Variants in NME7 observed in about 807,000 individuals in gnomAD.
NME7 encodes the protein NME/NM23 family member 7, also known as nucleoside diphosphate kinase 7.
Under a neutral mutation model 49.1 loss-of-function variants are expected in NME7, and 41 were observed. That is an observed-to-expected ratio of 0.83 (90% CI 0.65 to 1.08). NME7 has a LOEUF of 1.08. Among genes scored for constraint, NME7 ranks in the 50% least tolerant of loss-of-function variants. The pLI is 0.00. For missense variants in NME7, 423 were observed against 463.4 expected, an observed-to-expected ratio of 0.91 and a Z score of 0.80; for synonymous variants, 139 against 150.6, an observed-to-expected ratio of 0.92 and a Z score of 0.56.
intron 1 of NME7, among the ~76,000 whole-genome samples, chr1:169,332,143 T>C (rs1477174770): frequency 6.6e-6 from 1 of 151,848 alleles, no homozygotes; most frequent in Non-Finnish European, 1.5e-5. Context: ...TGGAACAGAA[T>C]AGAGAACCCA....
chr1:169,154,298 C>A (rs1272720236), intron 11 of NME7, among the ~76,000 whole-genome samples: 1 of 151,686 alleles, frequency 6.6e-6, no homozygotes, highest in Non-Finnish European at 1.5e-5. Flanking sequence ...CAGGTGTGAG[C>A]CACTGTGCTG....
At position 169,367,759 on chromosome 1, in the gene NME7, A is replaced by ACAC. The variant is rs540871211; in HGVS notation, c.-52_-50dup. On this transcript the variant is annotated 5_prime_UTR_variant, in exon 1 of 12. Transcript: ENST00000367811. ...AAATAGGTATCGTTGAGACAGGAAG[A>ACAC]CACCACCACCACCACCATCATACGG... The ACAC allele has an allele frequency of 2.0e-5, 33 of 1,612,226 alleles. No individual in the cohort carries two copies. Among genetic ancestry groups the ACAC allele is most frequent in the East Asian group, 6.7e-5 (3 of 44,844 alleles).
chr1:169,336,804 T>C (rs1652495504), intron 1 of NME7, among the ~76,000 whole-genome samples: 1 of 144,314 alleles, frequency 6.9e-6, no homozygotes, highest in East Asian at 2.1e-4. Context: ...GAGCTAGACA[T>C]AAAGATTCTC....
chr1:169,203,963 C>G (rs1478351480), intron 10 of NME7, among the ~76,000 whole-genome samples: 1 of 152,016 alleles, frequency 6.6e-6, no homozygotes, highest in Non-Finnish European at 1.5e-5. Flanking sequence ...CTCAAGTGAT[C>G]TTCCTTCCTC....
chr1:169,311,575 G>A (rs1358687209), intron 3 of NME7, among the ~76,000 whole-genome samples: 1 of 152,006 alleles, frequency 6.6e-6, no homozygotes, highest in South Asian at 2.1e-4. Flanking sequence ...AAGCAGATGA[G>A]TCAGTTATAT....
intron 1 of NME7, 38 bp downstream of exon 1, chr1:169,367,670 A>G: frequency 1.2e-6 from 2 of 1,613,818 alleles, no homozygotes; most frequent in South Asian, 1.1e-5. Context: ...AGTAAGTAGG[A>G]CCCCAGAGCC....
At chr1:169,306,205 T>A (rs2101915778) in intron 4 of NME7, among the ~76,000 whole-genome samples, 1 of 152,318 alleles carries the variant, frequency 6.6e-6, no homozygotes, top group East Asian at 1.9e-4. Context: ...GAGTCTTGTA[T>A]ACTCTATCAA....
chr1:169,204,167 C>T (rs766567756), intron 10 of NME7, among the ~76,000 whole-genome samples: 19 of 151,690 alleles, frequency 1.3e-4, no homozygotes, highest in Non-Finnish European at 2.8e-4. Context: ...GGGAATTTAG[C>T]TTTTAAGGTT....
At chr1:169,235,014 CTG>C in intron 9 of NME7, 115 bp downstream of exon 9, 1 of 489,320 alleles carries the variant, frequency 2.0e-6, no homozygotes. Flanking sequence ...ATGAATGACT[CTG>C]TATTGATTTT....
chr1:169,251,802 T>A (rs900649965), intron 7 of NME7, among the ~76,000 whole-genome samples: 2 of 149,830 alleles, frequency 1.3e-5, no homozygotes, highest in African/African-American at 4.9e-5. Flanking sequence ...TGAGTGAGAA[T>A]ATGCAGTGTT....
chr1:169,190,906 G>A (rs1270599377), intron 10 of NME7, among the ~76,000 whole-genome samples: 2 of 80,078 alleles, frequency 2.5e-5, no homozygotes, highest in Non-Finnish European at 5.5e-5. Flanking sequence ...TCCGCCTCCC[G>A]GGTTCACGCC....
intron 11 of NME7, among the ~76,000 whole-genome samples, chr1:169,157,420 A>G (rs903938489): frequency 4.6e-5 from 7 of 152,194 alleles, no homozygotes; most frequent in Admixed American, 3.3e-4. Context: ...TGCAGATTTG[A>G]TGAACCTGCA....
At chr1:169,153,049 G>A (rs1055955296) in intron 11 of NME7, among the ~76,000 whole-genome samples, 1 of 151,950 alleles carries the variant, frequency 6.6e-6, no homozygotes, top group African/African-American at 2.4e-5. Context: ...CGTTGACCTA[G>A]TTTGCTGTAT....
intron 7 of NME7, among the ~76,000 whole-genome samples, chr1:169,255,173 C>A (rs1476226561): frequency 2.2e-5 from 3 of 136,466 alleles, no homozygotes. Flanking sequence ...GTGTTAAAGT[C>A]TCCCATTATT....
rs149453149 is a variant in NME7, at chr1:169,262,350, C to T, written c.755-24663G>A. Among the ~76,000 whole-genome samples the T allele has an allele frequency of 1.7e-3, 224 of 134,646 alleles. 30 individuals are homozygous for T. The highest frequency in any genetic ancestry group is 5.3e-3 in the African/African-American group (212 of 39,880). The allele number at this position is 134,646 out of a possible 152,430, so 88.3% of individuals were successfully genotyped here. A position where few individuals can be genotyped will look rare whatever the true frequency, so the allele number is the denominator to read the frequency against. Reference sequence around the variant, plus strand: ...AGAAGAATCATCAATTGATAACCCACAGAATTGTGAAAAATAATACATCAT... The same window carrying T: ...AGAAGAATCATCAATTGATAACCCATAGAATTGTGAAAAATAATACATCAT... On this transcript the variant is annotated intron_variant, in intron 7 of 11. Transcript: ENST00000367811.
intron 11 of NME7, among the ~76,000 whole-genome samples, chr1:169,155,439 C>A (rs939582958): frequency 3.9e-5 from 6 of 152,336 alleles, no homozygotes; most frequent in African/African-American, 1.4e-4. Flanking sequence ...TAACAAAAAG[C>A]AGACAAACTA....
chr1:169,147,356 G>A (rs1278234617), intron 11 of NME7, among the ~76,000 whole-genome samples: 9 of 152,160 alleles, frequency 5.9e-5, no homozygotes, highest in Admixed American at 5.2e-4. Context: ...AATAATACTT[G>A]TTACATTTAA....
chr1:169,180,193 G>A (rs1384620864), intron 10 of NME7, among the ~76,000 whole-genome samples: 3 of 152,120 alleles, frequency 2.0e-5, no homozygotes, highest in Admixed American at 6.6e-5. Flanking sequence ...TTAAGATAAT[G>A]CCCATAAAAT....
At chr1:169,196,100 T>C (rs996821006) in intron 10 of NME7, among the ~76,000 whole-genome samples, 3 of 152,176 alleles carry the variant, frequency 2.0e-5, no homozygotes, top group South Asian at 2.1e-4. Flanking sequence ...TGCGAATAAA[T>C]TGTGGATGAT....
Sources: allele counts gnomAD v4.1 joint callset (sites outside exome capture counted in the v4.1 genomes callset), GRCh38; gene constraint gnomAD v4.1.1; transcripts MANE v1.5; gene names NCBI Gene and HGNC (gene_info 2026-07-23, HGNC 2026-07-21).